The following RAB3C variants were observed in gnomAD, a reference collection of about 807,000 sequenced individuals.
The protein encoded by RAB3C is RAB3C, member RAS oncogene family, also known as ras-related protein Rab-3C.
In RAB3C, 17 loss-of-function variants were observed where a neutral mutation model predicts 26.4. That is an observed-to-expected ratio of 0.64 (90% CI 0.44 to 0.97). The LOEUF (loss-of-function observed/expected upper bound fraction) is 0.97, where lower values mean the gene tolerates loss of function less well. Ranked by LOEUF, RAB3C falls within the 50% of genes least tolerant of loss-of-function variation. The pLI is 0.00. For synonymous variants in RAB3C, 91 were observed against 95.9 expected, an observed-to-expected ratio of 0.95 and a Z score of 0.30; for missense variants, 242 against 281.9, an observed-to-expected ratio of 0.86 and a Z score of 1.01.
chr5:58,817,097 C>A (rs567143359), intron 3 of RAB3C: 1 of 152,192 alleles, frequency 6.6e-6, no homozygotes, highest in Admixed American at 6.5e-5. Flanking sequence ...TCCTTATATT[C>A]CATTGGCCAG....
chr5:58,776,368 G>A lies in RAB3C; in HGVS notation c.372-48670G>A, dbSNP rs761304099. On this transcript the variant is annotated intron_variant, in intron 3 of 4. Transcript: ENST00000282878. ...CTTAAATATTGGTGTTTCCCCCAGA[G>A]TTCTGCCTTTATGTTCTCATCTGAG... Among the ~76,000 whole-genome samples, 4 of 151,948 alleles carry A rather than the reference G, an allele frequency of 2.6e-5. 1 individual carries two copies. Among genetic ancestry groups the A allele is most frequent in the Non-Finnish European group, 5.9e-5 (4 of 68,000 alleles).
intron 2 of RAB3C, among the ~76,000 whole-genome samples, chr5:58,681,115 AT>A (rs1194243946): frequency 3.3e-5 from 5 of 152,336 alleles, no homozygotes; most frequent in Non-Finnish European, 5.9e-5. Flanking sequence ...TATTGTTTAT[AT>A]CAAGGCTTGT....
intron 2 of RAB3C, among the ~76,000 whole-genome samples, chr5:58,656,047 AGTGCTGG>A (rs1195732657): frequency 6.6e-6 from 1 of 151,998 alleles, no homozygotes; most frequent in Admixed American, 6.6e-5. Context: ...GGCCTCCCAA[AGTGCTGG>A]GATTACAAGC....
At position 58,603,111 on chromosome 5, in the gene RAB3C, C is replaced by T. The variant is rs148835554; in HGVS notation, c.25-14532C>T. 4.9e-3 allele frequency among the ~76,000 whole-genome samples: 739 copies of T among 152,132 alleles called. 5 individuals are homozygous for T. Among genetic ancestry groups the T allele is most frequent in the Non-Finnish European group, 7.3e-3 (495 of 67,972 alleles). ...GCATACAGAATTCTTGGCTGATAAT[C>T]GTTTTGTTTGAGGAAGCTGAAGATA... is the stretch of plus-strand genomic sequence containing the variant. On this transcript the variant is annotated intron_variant, in intron 1 of 4. Coordinates refer to ENST00000282878, the MANE Select transcript of RAB3C (RefSeq NM_138453.4).
intron 4 of RAB3C, among the ~76,000 whole-genome samples, chr5:58,833,967 A>T (rs1743678114): frequency 1.3e-5 from 2 of 152,360 alleles, no homozygotes; most frequent in East Asian, 3.9e-4. Context: ...TTTTAATGAA[A>T]TCGAAATAGA....
chr5:58,765,042 T>G (rs569088607), intron 3 of RAB3C, among the ~76,000 whole-genome samples: 19 of 152,334 alleles, frequency 1.2e-4, no homozygotes, highest in African/African-American at 4.3e-4. Context: ...TCTATTGTCT[T>G]TCTTCAAAAC....
chr5:58,778,690 C>G (rs1742203805), intron 3 of RAB3C, among the ~76,000 whole-genome samples: 1 of 152,096 alleles, frequency 6.6e-6, no homozygotes, highest in African/African-American at 2.4e-5. Context: ...CCTCTCATAC[C>G]CAAATGGAGT....
At position 58,856,307 on chromosome 5, in the gene RAB3C, C is replaced by T. The variant is rs1213638915; in HGVS notation, c.*4956C>T. The T allele has an allele frequency of 7.0e-6, 1 of 143,318 alleles. No individual in the cohort carries two copies. Among genetic ancestry groups the T allele is most frequent in the Admixed American group, 7.3e-5 (1 of 13,632 alleles). The allele number at this position is 143,318 out of a possible 1,614,324, so 8.9% of individuals were successfully genotyped here. On this transcript the variant is annotated 3_prime_UTR_variant, in exon 5 of 5. Coordinates refer to ENST00000282878, the MANE Select transcript of RAB3C (RefSeq NM_138453.4). Reference sequence around the variant, plus strand: ...TAAATTTTGCAAGCATTCTAGATAACAGAAATGAGTCATTTTAAAACCTCA... The same window carrying T: ...TAAATTTTGCAAGCATTCTAGATAATAGAAATGAGTCATTTTAAAACCTCA...
chr5:58,763,904 A>C (rs985646828), intron 3 of RAB3C, among the ~76,000 whole-genome samples: 1 of 152,206 alleles, frequency 6.6e-6, no homozygotes, highest in Non-Finnish European at 1.5e-5. Context: ...GGTGATATAT[A>C]GAAGGGCAAT....
chr5:58,836,280 TATG>T (rs1743746030), intron 4 of RAB3C, among the ~76,000 whole-genome samples: 1 of 151,962 alleles, frequency 6.6e-6, no homozygotes, highest in East Asian at 1.9e-4. Context: ...TTTTACAAAT[TATG>T]ATGTTTCATA....
intron 2 of RAB3C, among the ~76,000 whole-genome samples, chr5:58,713,401 G>A (rs293020): frequency 0.13 from 19,950 of 152,156 alleles, 1,664 homozygotes; most frequent in Non-Finnish European, 0.19. Flanking sequence ...TAAACACGAC[G>A]TTAATCAAAC....
intron 3 of RAB3C, among the ~76,000 whole-genome samples, chr5:58,779,148 G>A (rs2111998992): frequency 6.6e-6 from 1 of 152,056 alleles, no homozygotes; most frequent in East Asian, 1.9e-4. Context: ...AAAAAGGAGA[G>A]TCCAGTCTAG....
At chr5:58,717,892 G>A (rs1249151785) in intron 2 of RAB3C, among the ~76,000 whole-genome samples, 4 of 152,012 alleles carry the variant, frequency 2.6e-5, no homozygotes, top group African/African-American at 4.8e-5. Context: ...GAGCCCAATC[G>A]GCACATGGCT....
rs148434581 is a variant in RAB3C at position 58,684,096 on chromosome 5, G to T, written c.253-41906G>T. On this transcript the variant is annotated intron_variant, in intron 2 of 4. Transcript: ENST00000282878. ...GAACTGAAAATATCCAGAAAAACAT[G>T]CATCTGCACTGAACATGTACAGACT... Among the ~76,000 whole-genome samples, 3 of 152,138 alleles carry T rather than the reference G, an allele frequency of 2.0e-5. No homozygotes were observed. In the East Asian group the frequency reaches 5.8e-4, roughly 29 times the overall value.
chr5:58,682,083 T>G (rs1038162102), intron 2 of RAB3C, among the ~76,000 whole-genome samples: 7 of 152,098 alleles, frequency 4.6e-5, no homozygotes, highest in Admixed American at 4.6e-4. Context: ...GGAGAAACAT[T>G]TGTATGGTTG....
At chr5:58,683,907 T>C (rs528258021) in intron 2 of RAB3C, among the ~76,000 whole-genome samples, 1 of 152,354 alleles carries the variant, frequency 6.6e-6, no homozygotes, top group African/African-American at 2.4e-5. Context: ...ACAAGAGTAT[T>C]GATGCTGACA....
At position 58,595,606 on chromosome 5, in the gene RAB3C, A is replaced by G. The variant is rs113290821; in HGVS notation, c.24+12374A>G. On this transcript the variant is annotated intron_variant, in intron 1 of 4. Transcript: ENST00000282878. The stretch of plus-strand genomic sequence containing the variant: ...TAAACCTGACTGATGAAAAGAATAT[A>G]TGAAGTGTTTGAAAAAATGACAGAT... 3.7e-3 allele frequency among the ~76,000 whole-genome samples: 558 copies of G among 152,292 alleles called. 3 individuals carry two copies. The highest frequency in any genetic ancestry group is 0.013 in the African/African-American group (524 of 41,560).
chr5:58,790,941 C>T (rs746370400), intron 3 of RAB3C, among the ~76,000 whole-genome samples: 6 of 152,112 alleles, frequency 3.9e-5, no homozygotes, highest in Non-Finnish European at 7.4e-5. Flanking sequence ...TTCCCCCTTC[C>T]ATTCTCTTGT....
chr5:58,854,036 A>AACAGACACAC lies in RAB3C; in HGVS notation c.*2688_*2689insGACACACACA, dbSNP rs1744176224. 7.0e-6 allele frequency: 1 copy of AACAGACACAC among 142,526 alleles called. No individual in the cohort carries two copies. Among genetic ancestry groups the AACAGACACAC allele is most frequent in the Non-Finnish European group, 1.5e-5 (1 of 65,772 alleles). 8.8% of individuals were successfully genotyped at this position (142,526 alleles called of 1,614,324 possible). The stretch of plus-strand genomic sequence containing the variant: ...TCCAAGGTTTTTCAGCCTTTTGGCC[A>AACAGACACAC]ACACACACACACACACACACACACA... On this transcript the variant is annotated 3_prime_UTR_variant, in exon 5 of 5. Coordinates refer to ENST00000282878, the MANE Select transcript of RAB3C (RefSeq NM_138453.4).
Sources: allele counts gnomAD v4.1 joint callset (sites outside exome capture counted in the v4.1 genomes callset), GRCh38; gene constraint gnomAD v4.1.1; transcripts MANE v1.5; gene names NCBI Gene and HGNC (gene_info 2026-07-23, HGNC 2026-07-21).